Variants in MYO10 observed in about 807,000 individuals in gnomAD.
MYO10 encodes myosin X.
Under a neutral mutation model 257.3 loss-of-function variants are expected in MYO10, and 133 were observed. That is an observed-to-expected ratio of 0.52 (90% confidence interval 0.45 to 0.60). MYO10 has a LOEUF of 0.60. Among genes scored for constraint, MYO10 ranks in the 20% least tolerant of loss-of-function variants. The pLI is 0.00. For missense variants in MYO10, 2,399 were observed against 2,635.7 expected (o/e 0.91, Z 1.97); for synonymous variants, 1,104 against 1,028.6 (o/e 1.07, Z -1.40).
chr5:16,781,693 G>T lies in MYO10; in HGVS notation c.727+12C>A. 2 of 1,611,152 alleles carry T rather than the reference G, an allele frequency of 1.2e-6. No individual in the cohort carries two copies. The highest frequency in any genetic ancestry group is 1.7e-6 in the Non-Finnish European group (2 of 1,178,278). On this transcript the variant is annotated intron_variant, in intron 6 of 40. Transcript: ENST00000513610. ...TCAATTACTATAGATAAAAATAAATGAAAGAGGATACAATCTACAATTCTC... is the reference window on the plus strand; with the variant it reads ...TCAATTACTATAGATAAAAATAAATTAAAGAGGATACAATCTACAATTCTC...
At chr5:16,771,810 C>A (rs556286731) in intron 9 of MYO10, among the ~76,000 whole-genome samples, 3 of 151,282 alleles carry the variant, frequency 2.0e-5, no homozygotes. Context: ...CAAACTCCTG[C>A]GCTCAAGCAA....
At chr5:16,830,708 C>A (rs1368480478) in intron 2 of MYO10, among the ~76,000 whole-genome samples, 1 of 152,108 alleles carries the variant, frequency 6.6e-6, no homozygotes, top group Admixed American at 6.6e-5. Flanking sequence ...CACAGGGCGA[C>A]TGTACTCTTG....
In MYO10 at chr5:16,935,831, C is replaced by T; in HGVS notation, c.-23G>A. 1.2e-6 allele frequency: 2 copies of T among 1,612,140 alleles called. No homozygotes were observed. The highest frequency in any genetic ancestry group is 1.7e-6 in the Non-Finnish European group (2 of 1,179,358). On this transcript the variant is annotated 5_prime_UTR_variant, in exon 1 of 41. Transcript: ENST00000513610. ...CATTGTTCCAGCGCAGTCCCGGACT[C>T]GCCGAGTGCCGCTCCGACTCGCGGA... is the stretch of plus-strand genomic sequence containing the variant.
intron 35 of MYO10, among the ~76,000 whole-genome samples, chr5:16,674,341 C>T (rs1020369609): frequency 2.6e-5 from 4 of 151,800 alleles, no homozygotes; most frequent in African/African-American, 7.3e-5. Flanking sequence ...TTGTGGCGGG[C>T]GCCTGTAATC....
chr5:16,732,087 G>A (rs113905038), intron 19 of MYO10, among the ~76,000 whole-genome samples: 15 of 152,164 alleles, frequency 9.9e-5, no homozygotes, highest in African/African-American at 3.6e-4. Flanking sequence ...AAAGCTGAAG[G>A]GGAACATTTC....
intron 1 of MYO10, among the ~76,000 whole-genome samples, chr5:16,889,522 GGA>G: frequency 7.0e-6 from 1 of 143,884 alleles, no homozygotes; most frequent in Admixed American, 7.1e-5. Flanking sequence ...AAGGAAGGAA[GGA>G]AGGAAGGAAG....
At chr5:16,817,900 A>T in intron 3 of MYO10, 109 bp downstream of exon 3, 3 of 983,400 alleles carry the variant, frequency 3.1e-6, no homozygotes, top group Non-Finnish European at 4.1e-6. Context: ...ACATAATTTT[A>T]CTTAGATTAA....
intron 1 of MYO10, among the ~76,000 whole-genome samples, chr5:16,899,997 C>CAAA (rs60443560): frequency 6.8e-5 from 6 of 88,286 alleles, no homozygotes; most frequent in African/African-American, 1.4e-4. Context: ...GATGCTGTCT[C>CAAA]AAAAAAAAAA....
chr5:16,839,030 T>A (rs897464069), intron 2 of MYO10, among the ~76,000 whole-genome samples: 1 of 152,194 alleles, frequency 6.6e-6, no homozygotes, highest in African/African-American at 2.4e-5. Context: ...GATAAAGATG[T>A]ACAAGGAGAT....
At chr5:16,900,762 CAG>C (rs1745356298) in intron 1 of MYO10, among the ~76,000 whole-genome samples, 1 of 60,626 alleles carries the variant, frequency 1.6e-5, no homozygotes, top group East Asian at 6.0e-4. Context: ...TTTTTTGAGA[CAG>C]AGTCTTGCTC....
At chr5:16,719,989 C>CGTGT (rs10526050) in intron 19 of MYO10, among the ~76,000 whole-genome samples, 21,024 of 143,316 alleles carry the variant, frequency 0.15, 1,656 homozygotes, top group Non-Finnish European at 0.17. Flanking sequence ...TGTGTGCGTG[C>CGTGT]GTGTGTGTGT....
At chr5:16,805,155 A>G (rs1055108941) in intron 3 of MYO10, among the ~76,000 whole-genome samples, 3 of 151,992 alleles carry the variant, frequency 2.0e-5, no homozygotes, top group African/African-American at 7.2e-5. Flanking sequence ...CAAGTGAAGC[A>G]AAGATAAAGT....
At chr5:16,840,685 T>TA (rs201972914) in intron 2 of MYO10, among the ~76,000 whole-genome samples, 1,856 of 151,514 alleles carry the variant, frequency 0.012, 40 homozygotes, top group African/African-American at 0.043. Flanking sequence ...GAAAACACAA[T>TA]AAAAAAATGC....
chr5:16,832,613 G>C (rs1743193128), intron 2 of MYO10, among the ~76,000 whole-genome samples: 1 of 152,050 alleles, frequency 6.6e-6, no homozygotes, highest in African/African-American at 2.4e-5. Context: ...CACCTCTGAG[G>C]GCCCTTTACT....
intron 1 of MYO10, among the ~76,000 whole-genome samples, chr5:16,902,991 T>C (rs1464067703): frequency 6.6e-6 from 1 of 152,246 alleles, no homozygotes; most frequent in Non-Finnish European, 1.5e-5. Context: ...GATCTCCCAA[T>C]GCCTCGTAAC....
At chr5:16,741,787 AAG>A (rs1330996904) in intron 19 of MYO10, 2 of 984,614 alleles carry the variant, frequency 2.0e-6, no homozygotes, top group African/African-American at 3.5e-5. Context: ...CAGAACAAGA[AAG>A]AGAAAAATCC....
chr5:16,754,337 T>C (rs1180366252), intron 19 of MYO10, among the ~76,000 whole-genome samples: 3 of 152,106 alleles, frequency 2.0e-5, no homozygotes, highest in Non-Finnish European at 4.4e-5. Context: ...TGACAACCTT[T>C]AGAGTGCTTT....
intron 2 of MYO10, among the ~76,000 whole-genome samples, chr5:16,854,720 T>TAAAACAAAAC (rs550093716): frequency 6.6e-6 from 1 of 152,042 alleles, no homozygotes; most frequent in Non-Finnish European, 1.5e-5. Flanking sequence ...ACTGTTCAAT[T>TAAAACAAAAC]AAAACAAAAC....
intron 18 of MYO10, 77 bp downstream of exon 18, chr5:16,758,041 C>T (rs1740585741): frequency 9.1e-7 from 1 of 1,103,360 alleles, no homozygotes; most frequent in Non-Finnish European, 1.4e-6. Flanking sequence ...ATAGACTTCA[C>T]ATACACCCAA....
Sources: allele counts gnomAD v4.1 joint callset (sites outside exome capture counted in the v4.1 genomes callset), GRCh38; gene constraint gnomAD v4.1.1; transcripts MANE v1.5; gene names NCBI Gene and HGNC (gene_info 2026-07-23, HGNC 2026-07-21).